Variants in NRF1 observed in about 807,000 individuals in gnomAD.
NRF1 encodes alpha palindromic-binding protein.
NRF1 carries 5 observed loss-of-function variants against 58.5 expected under a neutral mutation model. The observed-to-expected ratio is 0.09, with a 90% CI of 0.04 to 0.18. The LOEUF is 0.18. Among genes scored for constraint, NRF1 ranks in the 10% least tolerant of loss-of-function variants. The pLI is 1.00. For missense variants in NRF1, 288 were observed against 657.7 expected, an observed-to-expected ratio of 0.44 and a Z score of 6.15; for synonymous variants, 224 against 246.7, an observed-to-expected ratio of 0.91 and a Z score of 0.86.
At chr7:129,690,363 G>A in intron 4 of NRF1, 43 bp from the exon 5 acceptor site, 6 of 1,593,534 alleles carry the variant, frequency 3.8e-6, no homozygotes, top group Non-Finnish European at 4.3e-6. Context: ...ATCCTCCCTG[G>A]TTGTTGGGCA....
intron 4 of NRF1, among the ~76,000 whole-genome samples, chr7:129,681,107 G>A (rs1219687672): frequency 3.3e-5 from 5 of 152,208 alleles, no homozygotes; most frequent in Admixed American, 3.3e-4. Flanking sequence ...TAAGAGGGAA[G>A]CAAAGGGAGA....
chr7:129,627,978 A>G (rs1800956869), intron 1 of NRF1, among the ~76,000 whole-genome samples: 1 of 149,578 alleles, frequency 6.7e-6, no homozygotes, highest in South Asian at 2.1e-4. Flanking sequence ...ATCACATTCT[A>G]CCTTGGATTA....
At chr7:129,667,565 A>AT (rs1167593611) in intron 2 of NRF1, among the ~76,000 whole-genome samples, 2 of 151,078 alleles carry the variant, frequency 1.3e-5, no homozygotes, top group African/African-American at 2.4e-5. Flanking sequence ...CCATTTATTT[A>AT]TTTTTTTGTT....
At chr7:129,633,833 A>C (rs1801104749) in intron 1 of NRF1, 1 of 151,426 alleles carries the variant, frequency 6.6e-6, no homozygotes, top group Non-Finnish European at 1.5e-5. Flanking sequence ...ACTGTACTTT[A>C]AGAATAAATA....
chr7:129,678,278 G>A (rs1436669710), intron 4 of NRF1, among the ~76,000 whole-genome samples: 1 of 152,050 alleles, frequency 6.6e-6, no homozygotes, highest in African/African-American at 2.4e-5. Context: ...TATAAAAATA[G>A]TCTTTTGCCC....
At chr7:129,690,300 A>T in intron 4 of NRF1, 106 bp from the exon 5 acceptor site, 1 of 1,088,336 alleles carries the variant, frequency 9.2e-7, no homozygotes, top group Non-Finnish European at 1.3e-6. Flanking sequence ...TTTTAAGGCT[A>T]TGCAATGGCT....
intron 5 of NRF1, among the ~76,000 whole-genome samples, chr7:129,695,958 C>T (rs1197729837): frequency 6.7e-6 from 1 of 149,808 alleles, no homozygotes; most frequent in African/African-American, 2.5e-5. Flanking sequence ...CGCAGTGGCT[C>T]ACACCTGTAA....
intron 10 of NRF1, among the ~76,000 whole-genome samples, chr7:129,742,994 G>A (rs60363507): frequency 0.021 from 3,179 of 152,100 alleles, 104 homozygotes; most frequent in African/African-American, 0.07. Context: ...GAAATGCCTC[G>A]GCTGCTTAAG....
At position 129,639,545 on chromosome 7, in the gene NRF1, C is replaced by CT. The variant is rs11325662; in HGVS notation, c.-6-17785dup. On this transcript the variant is annotated intron_variant, in intron 1 of 10. Transcript: ENST00000393232. Reference sequence around the variant, plus strand: ...AAGTCAGCCCCTTGTCCCCACAACCCTTTTTTTTTTTTTTTTGCGAGATGG... The same window carrying CT: ...AAGTCAGCCCCTTGTCCCCACAACCCTTTTTTTTTTTTTTTTTGCGAGATGG... 1.4e-3 allele frequency among the ~76,000 whole-genome samples: 177 copies of CT among 123,896 alleles called. 1 individual carries two copies. The highest frequency in any genetic ancestry group is 7.8e-3 in the Middle Eastern group (2 of 256). The allele number at this position is 123,896 out of a possible 152,430, so 81.3% of individuals were successfully genotyped here. A position where few individuals can be genotyped will look rare whatever the true frequency, so the allele number is the denominator to read the frequency against.
At chr7:129,642,784 A>G in intron 1 of NRF1, among the ~76,000 whole-genome samples, 1 of 130,418 alleles carries the variant, frequency 7.7e-6, no homozygotes, top group South Asian at 2.9e-4. Context: ...TTTAAATGAG[A>G]TAGGGTCCCA....
At chr7:129,617,834 A>C (rs894132002) in intron 1 of NRF1, among the ~76,000 whole-genome samples, 1 of 152,130 alleles carries the variant, frequency 6.6e-6, no homozygotes, top group South Asian at 2.1e-4. Context: ...TGCATTACTG[A>C]TGGAGAAGAG....
chr7:129,743,821 C>T (rs1803905149), intron 10 of NRF1, among the ~76,000 whole-genome samples: 1 of 152,196 alleles, frequency 6.6e-6, no homozygotes, highest in African/African-American at 2.4e-5. Context: ...GACCCAGCTG[C>T]TGGGTACTTA....
At chr7:129,750,408 A>C (rs760621931) in intron 10 of NRF1, among the ~76,000 whole-genome samples, 9 of 152,198 alleles carry the variant, frequency 5.9e-5, no homozygotes, top group Admixed American at 2.6e-4. Flanking sequence ...TGCCAGGGAC[A>C]TGAAGGCTGT....
At chr7:129,619,425 T>TAC (rs1461364151) in intron 1 of NRF1, among the ~76,000 whole-genome samples, 1,045 of 82,490 alleles carry the variant, frequency 0.013, 54 homozygotes, top group African/African-American at 0.046. Context: ...TATATATATA[T>TAC]ATATATATAC....
In NRF1 at chr7:129,711,018, A is replaced by G. The variant is rs549173963; in HGVS notation, c.963+447A>G. On this transcript the variant is annotated intron_variant, in intron 7 of 10. Coordinates refer to ENST00000393232, the MANE Select transcript of NRF1 (RefSeq NM_005011.5). ...GGCTGGTCTCAAACTCCTGAGCTCA[A>G]GTGATCCTCCTGCCTCGGCCTCCTA... Among the ~76,000 whole-genome samples the G allele has an allele frequency of 4.0e-5, 6 of 151,882 alleles. 1 individual carries two copies. In the South Asian group the frequency reaches 1.3e-3, roughly 32 times the overall value.
At chr7:129,718,113 A>G (rs950575665) in intron 9 of NRF1, among the ~76,000 whole-genome samples, 27 of 152,180 alleles carry the variant, frequency 1.8e-4, no homozygotes, top group Non-Finnish European at 4.0e-4. Flanking sequence ...ACTCGATTGT[A>G]TTATTCCCTG....
At position 129,683,288 on chromosome 7, in the gene NRF1, AGTGTGTGT is replaced by A. The variant is rs35691853; in HGVS notation, c.465+5556_465+5563del. Among the ~76,000 whole-genome samples, 367 of 140,478 alleles carry A rather than the reference AGTGTGTGT, an allele frequency of 2.6e-3. 3 individuals are homozygous for A. In the East Asian group the frequency reaches 0.057, roughly 22 times the overall value. 92.2% of individuals were successfully genotyped at this position (140,478 alleles called of 152,430 possible). A position where few individuals can be genotyped will look rare whatever the true frequency, so the allele number is the denominator to read the frequency against. ...AGAAAAAAATTTCAATCATGTGGAG[AGTGTGTGT>A]GTGTGTGTGTGTGTGTGTGTGTGTG... On this transcript the variant is annotated intron_variant, in intron 4 of 10. Coordinates refer to ENST00000393232, the MANE Select transcript of NRF1 (RefSeq NM_005011.5).
intron 1 of NRF1, among the ~76,000 whole-genome samples, chr7:129,646,843 G>GGA (rs146844249): frequency 1.3e-5 from 2 of 152,052 alleles, no homozygotes; most frequent in African/African-American, 4.8e-5. Flanking sequence ...GAAGTGAGAC[G>GGA]GAGAGAGAGA....
At chr7:129,619,462 G>A (rs1287851805) in intron 1 of NRF1, among the ~76,000 whole-genome samples, 473 of 19,602 alleles carry the variant, frequency 0.024, 7 homozygotes, top group African/African-American at 0.083. Flanking sequence ...ATATACACGT[G>A]TGTGTGTGTG....
Sources: gnomAD v4.1 joint callset for allele counts (sites outside exome capture counted in the v4.1 genomes callset) on GRCh38, gnomAD v4.1.1 for gene constraint, MANE v1.5 for transcripts, NCBI Gene and HGNC (gene_info 2026-07-23, HGNC 2026-07-21) for gene names.